Variants in ZEB1 observed in about 807,000 individuals in gnomAD.
ZEB1 encodes the protein zinc finger E-box binding homeobox 1.
ZEB1 carries 21 observed loss-of-function variants against 84.9 expected under a neutral mutation model. The ratio of observed to expected loss-of-function variants is 0.25; its 90% confidence interval spans 0.18 to 0.36. The LOEUF is 0.36. Among genes scored for constraint, ZEB1 ranks in the 10% least tolerant of loss-of-function variants. The probability of loss-of-function intolerance (pLI) is 1.00; values close to 1 mark genes in which losing one functional copy is unlikely to be tolerated. For synonymous variants in ZEB1, 420 were observed against 471.1 expected (o/e 0.89, Z 1.41); for missense variants, 1,104 against 1,330.2 (o/e 0.83, Z 2.65).
chr10:31,325,366 T>G (rs866462466), intron 1 of ZEB1, among the ~76,000 whole-genome samples: 6 of 152,098 alleles, frequency 3.9e-5, no homozygotes, highest in African/African-American at 1.2e-4. Flanking sequence ...TTTTTCATTC[T>G]CTACAAAGTT....
At chr10:31,439,984 G>T (rs1220923584) in intron 1 of ZEB1, among the ~76,000 whole-genome samples, 1 of 152,180 alleles carries the variant, frequency 6.6e-6, no homozygotes, top group African/African-American at 2.4e-5. Context: ...AAAGGTGGCA[G>T]CACGGAGACC....
Position 31,514,660 on chromosome 10 carries a change from G to A in ZEB1, c.745G>A (p.Ala249Thr). The A allele has an allele frequency of 6.2e-7, 1 of 1,612,766 alleles. No individual in the cohort carries two copies. Among genetic ancestry groups the A allele is most frequent in the Non-Finnish European group, 8.5e-7 (1 of 1,179,106 alleles). The change falls in exon 6 of 9, where the codon GCT becomes ACT. Residue 249 changes from alanine to threonine, a missense_variant. By Grantham distance (58) the Ala-to-Thr change is moderately conservative (BLOSUM62 0). Around this residue, in one of 7 missense-constraint regions of ZEB1, gnomAD observed 71 missense variants for 119.1 expected, o/e 0.60. Coordinates refer to ENST00000424869, the MANE Select transcript of ZEB1 (RefSeq NM_001174096.2). ...RKFKCTECGK[A>T]FKYKHHLKEH... Reference sequence around the variant, plus strand: ...ATTCAAATGCACTGAGTGTGGAAAAGCTTTCAAATACAAACATCACCTAAA... The same window carrying A: ...ATTCAAATGCACTGAGTGTGGAAAAACTTTCAAATACAAACATCACCTAAA...
chr10:31,518,730 C>T (rs1221206609), intron 6 of ZEB1, among the ~76,000 whole-genome samples: 1 of 152,024 alleles, frequency 6.6e-6, no homozygotes, highest in Non-Finnish European at 1.5e-5. Context: ...TTGTGCAGGG[C>T]TGTCCAGCAG....
At chr10:31,498,787 ATGT>A (rs1255877824) in intron 3 of ZEB1, among the ~76,000 whole-genome samples, 3 of 152,108 alleles carry the variant, frequency 2.0e-5, no homozygotes, top group African/African-American at 4.8e-5. Flanking sequence ...TCTTTAAGAA[ATGT>A]TGTGTCATAA....
intron 2 of ZEB1, among the ~76,000 whole-genome samples, chr10:31,489,557 C>G (rs2066218270): frequency 6.6e-6 from 1 of 151,158 alleles, no homozygotes; most frequent in Non-Finnish European, 1.5e-5. Flanking sequence ...TTCTGGTCCT[C>G]TTTTTCTGCC....
At chr10:31,519,960 A>G (rs958809026) in intron 6 of ZEB1, among the ~76,000 whole-genome samples, 166 bp from the exon 7 acceptor site, 6 of 152,302 alleles carry the variant, frequency 3.9e-5, no homozygotes, top group Middle Eastern at 3.4e-3. Context: ...CATCACATCT[A>G]TGTAGGTTTT....
At chr10:31,479,426 A>G (rs1252259965) in intron 2 of ZEB1, among the ~76,000 whole-genome samples, 1 of 151,934 alleles carries the variant, frequency 6.6e-6, no homozygotes, top group African/African-American at 2.4e-5. Context: ...TTGTTATGAT[A>G]TCAAATTCAA....
At chr10:31,331,704 T>C (rs2036831083) in intron 1 of ZEB1, among the ~76,000 whole-genome samples, 1 of 152,132 alleles carries the variant, frequency 6.6e-6, no homozygotes, top group African/African-American at 2.4e-5. Flanking sequence ...CCTAGTAAAA[T>C]ATCCTAGTGG....
intron 4 of ZEB1, among the ~76,000 whole-genome samples, chr10:31,507,703 G>A (rs941972095): frequency 6.6e-6 from 1 of 151,270 alleles, no homozygotes; most frequent in Admixed American, 6.6e-5. Flanking sequence ...TTACCTCTTT[G>A]GTAAATTTCT....
chr10:31,324,408 AC>A (rs1306683146), intron 1 of ZEB1, among the ~76,000 whole-genome samples: 2 of 152,038 alleles, frequency 1.3e-5, no homozygotes, highest in Non-Finnish European at 2.9e-5. Context: ...TTGTGGATTT[AC>A]CTGTATAAAT....
intron 1 of ZEB1, among the ~76,000 whole-genome samples, chr10:31,420,294 C>T (rs1180849527): frequency 2.6e-5 from 4 of 152,100 alleles, no homozygotes; most frequent in Admixed American, 2.0e-4. Context: ...GGAGTCCAGG[C>T]ACTGCTTAGC....
chr10:31,347,813 G>A (rs1015073714), intron 1 of ZEB1, among the ~76,000 whole-genome samples: 2 of 152,012 alleles, frequency 1.3e-5, no homozygotes, highest in South Asian at 2.1e-4. Flanking sequence ...TAGAATCCCA[G>A]GAGTAGAATT....
intron 2 of ZEB1, among the ~76,000 whole-genome samples, chr10:31,470,527 G>T (rs2063085628): frequency 6.8e-6 from 1 of 147,948 alleles, no homozygotes; most frequent in South Asian, 2.2e-4. Flanking sequence ...AGAATAAAAA[G>T]AAATGAGCAA....
At chr10:31,391,231 TTGTGTGTGTGTGTG>T (rs780805467) in intron 1 of ZEB1, among the ~76,000 whole-genome samples, 52 of 134,784 alleles carry the variant, frequency 3.9e-4, no homozygotes, top group Admixed American at 1.0e-3. Context: ...ACAGGTAAGT[TTGTGTGTGTGTGTG>T]TGTGTGTGTG....
At chr10:31,460,557 G>T (rs1240982740) in intron 1 of ZEB1, among the ~76,000 whole-genome samples, 1 of 152,032 alleles carries the variant, frequency 6.6e-6, no homozygotes, top group African/African-American at 2.4e-5. Flanking sequence ...AATATCGTAT[G>T]CTGTAGGCTC....
In ZEB1 at chr10:31,422,167, A is replaced by G. The variant is rs532564425; in HGVS notation, c.59-38870A>G. On this transcript the variant is annotated intron_variant, in intron 1 of 8. Coordinates refer to ENST00000424869, the MANE Select transcript of ZEB1 (RefSeq NM_001174096.2). The stretch of plus-strand genomic sequence containing the variant: ...CAAATAGATGTTTTGAATGGGGCAA[A>G]GCCTTTTCATCTTGAAGCCCTGTAA... Among the ~76,000 whole-genome samples the G allele has an allele frequency of 1.1e-4, 16 of 152,310 alleles. No homozygotes were observed. The East Asian group carries it at 3.1e-3, about 29-fold the overall frequency.
chr10:31,452,730 TGTGTGTGTGTGTGAGA>T (rs1258722906), intron 1 of ZEB1, among the ~76,000 whole-genome samples: 1 of 123,566 alleles, frequency 8.1e-6, no homozygotes, highest in East Asian at 2.3e-4. Flanking sequence ...TGTGTGTGTG[TGTGTGTGTGTGTGAGA>T]GAGAGAGAGA....
intron 1 of ZEB1, among the ~76,000 whole-genome samples, chr10:31,427,082 T>TG (rs1336146363): frequency 6.6e-6 from 1 of 151,938 alleles, no homozygotes; most frequent in East Asian, 1.9e-4. Flanking sequence ...TCAAAATATG[T>TG]TTAAAAAAAA....
chr10:31,482,475 A>G (rs370741148), intron 2 of ZEB1, among the ~76,000 whole-genome samples: 4 of 139,170 alleles, frequency 2.9e-5, no homozygotes, highest in African/African-American at 1.0e-4. Flanking sequence ...CTGGGCCAGA[A>G]AAAAAAAAAA....
Sources: allele counts gnomAD v4.1 joint callset (sites outside exome capture counted in the v4.1 genomes callset), GRCh38; gene constraint gnomAD v4.1.1; regional missense constraint gnomAD v4.1.1; transcripts MANE v1.5; gene names NCBI Gene and HGNC (gene_info 2026-07-23, HGNC 2026-07-21).